The following SCLT1 variants were observed in gnomAD, a reference collection of about 807,000 sequenced individuals.
SCLT1 encodes sodium channel and clathrin linker 1, also known as sodium channel-associated protein 1.
In SCLT1, 78 loss-of-function variants were observed where a neutral mutation model predicts 112.8. The ratio of observed to expected loss-of-function variants is 0.69; its 90% CI spans 0.58 to 0.83. The LOEUF (loss-of-function observed/expected upper bound fraction) is 0.83. Ranked by LOEUF, SCLT1 falls within the 40% of genes least tolerant of loss-of-function variation. SCLT1 has a pLI of 0.00. For missense variants in SCLT1, 747 were observed against 770.4 expected (o/e 0.97, Z 0.36); for synonymous variants, 257 against 254.7 (o/e 1.01, Z -0.09).
intron 1 of SCLT1, among the ~76,000 whole-genome samples, chr4:129,088,676 T>C (rs771761782): frequency 5.3e-5 from 8 of 152,190 alleles, no homozygotes; most frequent in Non-Finnish European, 1.0e-4. Context: ...GAGCAGAATA[T>C]TAAAGAACGT....
chr4:129,031,130 C>T (rs1423827698), intron 5 of SCLT1, among the ~76,000 whole-genome samples: 1 of 152,100 alleles, frequency 6.6e-6, no homozygotes, highest in Non-Finnish European at 1.5e-5. Context: ...AAGTCGCTTT[C>T]ATCCCTAGGA....
chr4:129,000,948 T>G (rs1462407322), intron 6 of SCLT1, among the ~76,000 whole-genome samples: 2 of 141,870 alleles, frequency 1.4e-5, no homozygotes, highest in Non-Finnish European at 3.1e-5. Context: ...GTCTAAAACT[T>G]AAAAAAAAAA....
chr4:129,011,492 C>T (rs1223908803), intron 5 of SCLT1, among the ~76,000 whole-genome samples: 1 of 151,994 alleles, frequency 6.6e-6, no homozygotes, highest in Admixed American at 6.6e-5. Context: ...CAGTACCATG[C>T]TGTTTTGGTT....
intron 10 of SCLT1, among the ~76,000 whole-genome samples, chr4:128,968,916 C>T (rs1214344164): frequency 6.6e-6 from 1 of 152,142 alleles, no homozygotes; most frequent in Non-Finnish European, 1.5e-5. Flanking sequence ...TTTGTGGTTC[C>T]CTCGCTTCTA....
chr4:129,047,106 A>AT (rs1271917711), intron 2 of SCLT1, among the ~76,000 whole-genome samples: 1 of 152,108 alleles, frequency 6.6e-6, no homozygotes, highest in Non-Finnish European at 1.5e-5. Flanking sequence ...TCTTAAAAAC[A>AT]TAAGTTCTTT....
At chr4:128,940,390 C>T (rs1483879283) in intron 17 of SCLT1, among the ~76,000 whole-genome samples, 1 of 151,800 alleles carries the variant, frequency 6.6e-6, no homozygotes, top group African/African-American at 2.4e-5. Context: ...TCCCTCTATT[C>T]CCAAAACTCA....
intron 18 of SCLT1, among the ~76,000 whole-genome samples, chr4:128,930,727 G>A (rs1736687705): frequency 6.6e-6 from 1 of 152,092 alleles, no homozygotes; most frequent in Admixed American, 6.5e-5. Context: ...AAATCAATTT[G>A]GAAAATGTAA....
At chr4:128,944,197 C>T (rs931603353) in intron 16 of SCLT1, among the ~76,000 whole-genome samples, 4 of 152,080 alleles carry the variant, frequency 2.6e-5, no homozygotes, top group East Asian at 1.9e-4. Context: ...CCTTTATTCC[C>T]GCAATACTCA....
intron 18 of SCLT1, among the ~76,000 whole-genome samples, chr4:128,931,830 C>T (rs1279114939): frequency 2.0e-5 from 3 of 152,174 alleles, no homozygotes; most frequent in African/African-American, 7.2e-5. Context: ...AATGTATGTT[C>T]CAGTAAATTG....
chr4:128,874,148 T>C (rs1233092811), intron 5 of SCLT1: 1 of 152,614 alleles, frequency 6.6e-6, no homozygotes, highest in African/African-American at 2.4e-5. Context: ...TATTCACTTG[T>C]AGGATAATTT....
chr4:129,039,529 CAGTA>C (rs923618185), intron 4 of SCLT1: 1 of 157,988 alleles, frequency 6.3e-6, no homozygotes, highest in African/African-American at 2.4e-5. Flanking sequence ...AAAATGCTAA[CAGTA>C]AAGAAGAAAA....
chr4:129,054,531 T>C (rs1303357956), intron 2 of SCLT1, among the ~76,000 whole-genome samples: 1 of 152,094 alleles, frequency 6.6e-6, no homozygotes, highest in Non-Finnish European at 1.5e-5. Context: ...TTTCTTCCGC[T>C]TGATCGATTC....
At chr4:128,919,163 A>G (rs1330789488) in intron 18 of SCLT1, among the ~76,000 whole-genome samples, 1 of 150,156 alleles carries the variant, frequency 6.7e-6, no homozygotes, top group Non-Finnish European at 1.5e-5. Flanking sequence ...TCTAAAATTG[A>G]CCACAATCAG....
At chr4:129,019,553 A>G (rs764135980) in intron 5 of SCLT1, among the ~76,000 whole-genome samples, 1 of 152,188 alleles carries the variant, frequency 6.6e-6, no homozygotes, top group Non-Finnish European at 1.5e-5. Flanking sequence ...ATATGCCACT[A>G]TATGCATATA....
intron 1 of SCLT1, among the ~76,000 whole-genome samples, chr4:129,088,695 A>T (rs1752596621): frequency 6.6e-6 from 1 of 152,222 alleles, no homozygotes; most frequent in African/African-American, 2.4e-5. Flanking sequence ...GTTATTTCTC[A>T]CCACACATCT....
At chr4:128,889,269 G>C (rs919800846) in intron 19 of SCLT1, among the ~76,000 whole-genome samples, 2 of 152,180 alleles carry the variant, frequency 1.3e-5, no homozygotes, top group Non-Finnish European at 2.9e-5. Flanking sequence ...TTTGGAAAGA[G>C]AGTCCTTGCT....
At chr4:128,901,268 A>T (rs1734268339) in intron 18 of SCLT1, among the ~76,000 whole-genome samples, 2 of 152,220 alleles carry the variant, frequency 1.3e-5, no homozygotes, top group Admixed American at 1.3e-4. Flanking sequence ...CCTGGAGCCA[A>T]CCCAAATGTG....
chr4:129,079,325 G>A (rs1400940097), intron 2 of SCLT1, among the ~76,000 whole-genome samples: 1 of 152,110 alleles, frequency 6.6e-6, no homozygotes, highest in African/African-American at 2.4e-5. Flanking sequence ...CTATGACCCT[G>A]TGAAATAAAA....
At chr4:129,076,393 C>T (rs1751466229) in intron 2 of SCLT1, among the ~76,000 whole-genome samples, 1 of 152,026 alleles carries the variant, frequency 6.6e-6, no homozygotes, top group African/African-American at 2.4e-5. Context: ...TTTTATTCTA[C>T]CTTATGTATC....
Sources: allele counts gnomAD v4.1 joint callset (sites outside exome capture counted in the v4.1 genomes callset), GRCh38; gene constraint gnomAD v4.1.1; transcripts MANE v1.5; gene names NCBI Gene and HGNC (gene_info 2026-07-23, HGNC 2026-07-21).